STARD13: variants seen among roughly 807,000 people sequenced by gnomAD.
STARD13 encodes StAR related lipid transfer domain containing 13.
Under a neutral mutation model 106.4 loss-of-function variants are expected in STARD13, and 62 were observed. The observed-to-expected ratio is 0.58, with a 90% confidence interval of 0.48 to 0.72. The LOEUF is 0.72. STARD13 is among the 30% of genes least tolerant of loss of function. The pLI is 0.00. For synonymous variants in STARD13, 565 were observed against 553.0 expected (o/e 1.02, Z -0.31); for missense variants, 1,387 against 1,424.0 (o/e 0.97, Z 0.42).
chr13:33,283,075 C>G (rs915755548), intron 1 of STARD13, among the ~76,000 whole-genome samples: 3 of 152,078 alleles, frequency 2.0e-5, no homozygotes, highest in Non-Finnish European at 2.9e-5. Context: ...ACTTGACATC[C>G]TGTGTTATTG....
the STARD13 span, among the ~76,000 whole-genome samples, chr13:33,363,466 G>A: frequency 6.6e-6 from 1 of 152,252 alleles, no homozygotes; most frequent in African/African-American, 2.4e-5. Context: ...GTCTCTAGCA[G>A]GGTCTGGTTC....
At chr13:33,595,757 TG>T in the STARD13 span, among the ~76,000 whole-genome samples, 1 of 152,178 alleles carries the variant, frequency 6.6e-6, no homozygotes, top group African/African-American at 2.4e-5. Flanking sequence ...CAGCATGGCA[TG>T]GTTTTTAGCA....
chr13:33,544,269 A>G, the STARD13 span, among the ~76,000 whole-genome samples: 2 of 152,246 alleles, frequency 1.3e-5, no homozygotes, highest in South Asian at 2.1e-4. Flanking sequence ...TCCCATCCCT[A>G]CCGTGCCATT....
chr13:33,475,986 A>C, the STARD13 span, among the ~76,000 whole-genome samples: 1 of 152,116 alleles, frequency 6.6e-6, no homozygotes, highest in Non-Finnish European at 1.5e-5. Flanking sequence ...AAAGAAAGAA[A>C]AATAGATGAG....
chr13:33,226,323 A>G (rs1888621842), intron 1 of STARD13, among the ~76,000 whole-genome samples: 2 of 152,134 alleles, frequency 1.3e-5, no homozygotes, highest in African/African-American at 4.8e-5. Flanking sequence ...GCCCCAACTA[A>G]TCATTCCTTC....
chr13:33,642,179 C>T, the STARD13 span, among the ~76,000 whole-genome samples: 12 of 152,224 alleles, frequency 7.9e-5, no homozygotes, highest in East Asian at 7.7e-4. Flanking sequence ...TCTTTTCTGA[C>T]GTTTACCTAG....
chr13:33,143,919 T>A (rs940550591), intron 3 of STARD13, among the ~76,000 whole-genome samples: 1 of 152,238 alleles, frequency 6.6e-6, no homozygotes, highest in Non-Finnish European at 1.5e-5. Context: ...AAAGACCTAT[T>A]AATAGCAATA....
the STARD13 span, among the ~76,000 whole-genome samples, chr13:33,445,462 A>G: frequency 1.3e-5 from 2 of 152,214 alleles, no homozygotes; most frequent in African/African-American, 2.4e-5. Context: ...TTAGACAAGT[A>G]TATGGGATAT....
chr13:33,359,873 T>C, the STARD13 span, among the ~76,000 whole-genome samples: 1 of 152,228 alleles, frequency 6.6e-6, no homozygotes, highest in South Asian at 2.1e-4. Context: ...CCTATTTCAT[T>C]CTTTAAAGTA....
the STARD13 span, among the ~76,000 whole-genome samples, chr13:33,635,412 C>T: frequency 6.6e-6 from 1 of 152,186 alleles, no homozygotes; most frequent in Non-Finnish European, 1.5e-5. Flanking sequence ...GTAATCCCAG[C>T]ACTTTGGGAG....
chr13:33,616,978 G>A, the STARD13 span, among the ~76,000 whole-genome samples: 1 of 152,170 alleles, frequency 6.6e-6, no homozygotes, highest in Non-Finnish European at 1.5e-5. Flanking sequence ...AAGGAACTGT[G>A]ACTCCAGATA....
At chr13:33,499,606 T>TTCTTCTTC in the STARD13 span, among the ~76,000 whole-genome samples, 2 of 56,744 alleles carry the variant, frequency 3.5e-5, no homozygotes, top group African/African-American at 8.1e-5. Flanking sequence ...TCTTCTTCTT[T>TTCTTCTTC]CTTCTTCTTC....
At chr13:33,572,464 G>A in the STARD13 span, among the ~76,000 whole-genome samples, 3 of 152,078 alleles carry the variant, frequency 2.0e-5, no homozygotes, top group Non-Finnish European at 2.9e-5. Flanking sequence ...CTTCCACCAC[G>A]TGGCTGTGCT....
chr13:33,580,156 A>G, the STARD13 span, among the ~76,000 whole-genome samples: 15 of 152,144 alleles, frequency 9.9e-5, no homozygotes, highest in Non-Finnish European at 2.2e-4. Context: ...ACTTGGAAGC[A>G]ACTAAGATGT....
chr13:33,392,911 A>G, the STARD13 span, among the ~76,000 whole-genome samples: 2,463 of 152,318 alleles, frequency 0.016, 71 homozygotes, highest in African/African-American at 0.057. Flanking sequence ...TAGAGTCTTG[A>G]GTAAACAAAA....
chr13:33,329,397 T>C (rs1324552131), intron 1 of STARD13, among the ~76,000 whole-genome samples: 3 of 152,122 alleles, frequency 2.0e-5, no homozygotes, highest in Non-Finnish European at 4.4e-5. Context: ...CTGTATATAA[T>C]TACCATTTTG....
the STARD13 span, among the ~76,000 whole-genome samples, chr13:33,563,880 C>CT: frequency 1.0e-4 from 15 of 147,360 alleles, 1 homozygote; most frequent in African/African-American, 3.8e-4. Flanking sequence ...TAGTAGCACA[C>CT]ACACGAAAAA....
At chr13:33,457,509 G>A in the STARD13 span, among the ~76,000 whole-genome samples, 3 of 152,166 alleles carry the variant, frequency 2.0e-5, no homozygotes, top group Admixed American at 6.5e-5. Context: ...ACAGATAGAC[G>A]ATATTAGGAG....
intron 1 of STARD13, among the ~76,000 whole-genome samples, chr13:33,249,453 G>GTCTTTGACTCCACCTCCTTTCTT: frequency 6.6e-6 from 1 of 152,250 alleles, no homozygotes; most frequent in South Asian, 2.1e-4. Context: ...CCAAGAATTC[G>GTCTTTGACTCCACCTCCTTTCTT]TCTTTGACTC....
Sources: allele counts gnomAD v4.1 joint callset (sites outside exome capture counted in the v4.1 genomes callset), GRCh38; gene constraint gnomAD v4.1.1; transcripts MANE v1.5; gene names NCBI Gene and HGNC (gene_info 2026-07-23, HGNC 2026-07-21).